Variants in A2ML1 observed in about 807,000 individuals in gnomAD.
The protein encoded by A2ML1 is alpha-2-macroglobulin-like protein 1.
Under a neutral mutation model 181.9 loss-of-function variants are expected in A2ML1, and 161 were observed. The ratio of observed to expected loss-of-function variants is 0.89; its 90% CI spans 0.78 to 1.01. The LOEUF (loss-of-function observed/expected upper bound fraction) is 1.01. Among genes scored for constraint, A2ML1 ranks in the 50% least tolerant of loss-of-function variants. The pLI, the probability that A2ML1 is intolerant of heterozygous loss-of-function variation, is 0.00. For synonymous variants in A2ML1, 663 were observed against 666.8 expected (o/e 0.99, Z 0.09); for missense variants, 1,670 against 1,768.1 (o/e 0.94, Z 1.00).
At chr12:8,845,141 G>T in intron 12 of A2ML1, 2 of 1,485,226 alleles carry the variant, frequency 1.3e-6, no homozygotes, top group Non-Finnish European at 1.8e-6. Context: ...ATAAAATTTG[G>T]AGATCTTCAA....
At chr12:8,866,623 C>G (rs994702062) in intron 29 of A2ML1, among the ~76,000 whole-genome samples, 2 of 152,078 alleles carry the variant, frequency 1.3e-5, no homozygotes, top group African/African-American at 4.8e-5. Flanking sequence ...AGTGAGGTCC[C>G]TTTCTTTGAA....
intron 25 of A2ML1, 175 bp from the exon 26 acceptor site, chr12:8,857,771 C>T: frequency 9.1e-7 from 1 of 1,100,304 alleles, no homozygotes; most frequent in Middle Eastern, 2.0e-4. Flanking sequence ...GAGCTTGTGC[C>T]TCCCCTGTTC....
At chr12:8,868,752 A>G in intron 32 of A2ML1, 125 bp downstream of exon 32, 1 of 698,744 alleles carries the variant, frequency 1.4e-6, no homozygotes, top group Non-Finnish European at 2.4e-6. Flanking sequence ...GTATATACAT[A>G]CATATATATG....
chr12:8,857,741 T>G (rs1284767837), intron 25 of A2ML1, 153 bp downstream of exon 25: 1 of 1,105,876 alleles, frequency 9.0e-7, no homozygotes, highest in African/African-American at 1.6e-5. Context: ...TCATGGATGG[T>G]CAAGTCCCTC....
Position 8,851,862 on chromosome 12 carries a change from C to T in A2ML1, c.2313C>T (p.Ser771=), listed in dbSNP as rs1303509658. ...TEWKAMSFCT[S]QSRGFGLSPT... ...GGAAGGCGATGAGTTTCTGCACTTC[C>T]CAGTCAAGAGGCTTCGGGCTTTCAC... Residue 771 remains serine, a synonymous_variant, in exon 19 of 36, where the codon TCC becomes TCT. Coordinates refer to ENST00000299698, the MANE Select transcript of A2ML1 (RefSeq NM_144670.6). 6 of 1,614,074 alleles carry T rather than the reference C, an allele frequency of 3.7e-6. No homozygotes were observed. Among genetic ancestry groups the T allele is most frequent in the Non-Finnish European group, 5.1e-6 (6 of 1,180,046 alleles).
intron 10 of A2ML1, among the ~76,000 whole-genome samples, chr12:8,840,357 CA>C (rs11296029): frequency 0.76 from 101,522 of 132,802 alleles, 38,688 homozygotes; most frequent in East Asian, 0.97. Context: ...GAGACTGTCT[CA>C]AAAAAAAAAA....
At chr12:8,831,757 G>GTT (rs375149313) in intron 4 of A2ML1, among the ~76,000 whole-genome samples, 8 of 149,734 alleles carry the variant, frequency 5.3e-5, no homozygotes, top group African/African-American at 2.0e-4. Flanking sequence ...TTTTGTTTTT[G>GTT]TTTTTTTTTG....
chr12:8,823,378 T>C lies in A2ML1; in HGVS notation c.246+13T>C. On this transcript the variant is annotated intron_variant, in intron 2 of 35. Transcript: ENST00000299698. ...TATCTCCTTTCTTGTAAGCACAGAC[T>C]CAGCCCTCACTCGAATCCCTTACTT... The C allele has an allele frequency of 6.2e-7, 1 of 1,609,336 alleles. No homozygotes were observed. Among genetic ancestry groups the C allele is most frequent in the Admixed American group, 1.7e-5 (1 of 59,576 alleles).
Position 8,857,938 on chromosome 12 carries a change from C to A in A2ML1, c.3108-8C>A. ...CTTCATGCCATATTTTCCTCTTTAC[C>A]CATGTAGGCTGACAGCGTTTGTCAC... On this transcript the variant is annotated splice_polypyrimidine_tract_variant and splice_region_variant and intron_variant, in intron 25 of 35. Coordinates refer to ENST00000299698, the MANE Select transcript of A2ML1 (RefSeq NM_144670.6). 6.2e-7 allele frequency: 1 copy of A among 1,612,928 alleles called. No homozygotes were observed. Among genetic ancestry groups the A allele is most frequent in the Non-Finnish European group, 8.5e-7 (1 of 1,179,520 alleles).
At chr12:8,836,012 CAAAA>C (rs753902128) in intron 6 of A2ML1, among the ~76,000 whole-genome samples, 2 of 52,200 alleles carry the variant, frequency 3.8e-5, no homozygotes, top group Non-Finnish European at 8.5e-5. Flanking sequence ...GACTCCGTCT[CAAAA>C]AAAAAAAAAA....
intron 3 of A2ML1, among the ~76,000 whole-genome samples, chr12:8,825,752 C>A (rs983196497): frequency 1.3e-5 from 2 of 152,066 alleles, no homozygotes. Flanking sequence ...AATCTTTCAT[C>A]CATTTTGACT....
chr12:8,844,158 T>C (rs911300969), intron 12 of A2ML1, among the ~76,000 whole-genome samples: 1 of 151,694 alleles, frequency 6.6e-6, no homozygotes, highest in African/African-American at 2.4e-5. Flanking sequence ...AATGAGGAAT[T>C]ACCTGAGAAA....
Position 8,852,125 on chromosome 12 carries a change from C to T in A2ML1, c.2464-85C>T, listed in dbSNP as rs970746026. 1.0e-5 allele frequency: 16 copies of T among 1,589,434 alleles called. No individual in the cohort carries two copies. Among genetic ancestry groups the T allele is most frequent in the African/African-American group, 5.4e-5 (4 of 74,240 alleles). ...TTTCCCTGGGAAAGAGAGGAGATGTCGGCGTCTCAGCCCCCAGGTTTCCCC... is the reference window on the plus strand; with the variant it reads ...TTTCCCTGGGAAAGAGAGGAGATGTTGGCGTCTCAGCCCCCAGGTTTCCCC... On this transcript the variant is annotated intron_variant, in intron 19 of 35. Coordinates refer to ENST00000299698, the MANE Select transcript of A2ML1 (RefSeq NM_144670.6). The surrounding 1 kb of genome is among the most constrained non-coding windows in gnomAD (Gnocchi z 4.2).
intron 23 of A2ML1, 79 bp downstream of exon 23, chr12:8,855,671 C>A (rs768275167): frequency 2.3e-6 from 3 of 1,297,806 alleles, no homozygotes; most frequent in African/African-American, 2.9e-5. Context: ...GCGGGACATA[C>A]GGACCTATCC....
At chr12:8,883,109 G>GGT (rs1310184784) in intron 7 of A2ML1, among the ~76,000 whole-genome samples, 5 of 152,032 alleles carry the variant, frequency 3.3e-5, no homozygotes, top group Non-Finnish European at 5.9e-5. Flanking sequence ...TGGCCTCCAA[G>GGT]GTGTGTTTCC....
At chr12:8,835,325 C>T (rs760113724) in intron 5 of A2ML1, among the ~76,000 whole-genome samples, 182 bp from the exon 6 acceptor site, 1 of 152,204 alleles carries the variant, frequency 6.6e-6, no homozygotes, top group African/African-American at 2.4e-5. Context: ...AAATATTTAC[C>T]TCATTCCGCC....
chr12:8,856,888 A>G (rs1192441804), intron 23 of A2ML1, among the ~76,000 whole-genome samples: 2 of 144,326 alleles, frequency 1.4e-5, no homozygotes, highest in Non-Finnish European at 3.0e-5. Flanking sequence ...CCCAGGACAC[A>G]CAGTAGGTAC....
At chr12:8,828,065 C>T (rs763937508) in intron 3 of A2ML1, among the ~76,000 whole-genome samples, 3 of 152,298 alleles carry the variant, frequency 2.0e-5, no homozygotes, top group Non-Finnish European at 4.4e-5. Context: ...AAGCCAGCAC[C>T]GTACTGTGTC....
In A2ML1 at chr12:8,846,241, A is replaced by G; in HGVS notation, c.1683+19A>G. 6.2e-7 allele frequency: 1 copy of G among 1,613,300 alleles called. No individual in the cohort carries two copies. The highest frequency in any genetic ancestry group is 1.1e-5 in the South Asian group (1 of 91,054). On this transcript the variant is annotated intron_variant, in intron 14 of 35. Transcript: ENST00000299698. ...CAATCAGGTAAAATGATAGCGGAGA[A>G]GGGTGAAGATAAAAGTTGGGCATAG...
Sources: gnomAD v4.1 joint callset for allele counts (sites outside exome capture counted in the v4.1 genomes callset) on GRCh38, gnomAD v4.1.1 for gene constraint, Gnocchi (gnomAD v3.1) non-coding constraint, MANE v1.5 for transcripts, NCBI Gene and HGNC (gene_info 2026-07-23, HGNC 2026-07-21) for gene names.